Variants in ADCY2 observed in about 807,000 individuals in gnomAD.
ADCY2 encodes the protein adenylate cyclase type 2.
A neutral mutation model predicts 125.2 loss-of-function variants in ADCY2; 31 were observed. The ratio of observed to expected loss-of-function variants is 0.25; its 90% CI spans 0.19 to 0.33. The LOEUF (loss-of-function observed/expected upper bound fraction) is 0.33. ADCY2 is among the 10% of genes least tolerant of loss of function. ADCY2 has a pLI of 1.00. For missense variants in ADCY2, 904 were observed against 1,418.2 expected (o/e 0.64, Z 5.82); for synonymous variants, 512 against 548.4 (o/e 0.93, Z 0.93).
At chr5:7,557,879 C>T (rs1166148354) in intron 3 of ADCY2, among the ~76,000 whole-genome samples, 2 of 152,124 alleles carry the variant, frequency 1.3e-5, no homozygotes, top group African/African-American at 4.8e-5. Context: ...AGTATATACC[C>T]AGATACCCAG....
At chr5:7,562,688 G>A (rs974461260) in intron 3 of ADCY2, among the ~76,000 whole-genome samples, 1 of 152,090 alleles carries the variant, frequency 6.6e-6, no homozygotes, top group Non-Finnish European at 1.5e-5. Flanking sequence ...GGAAACAGAC[G>A]ACATTGATGA....
At chr5:7,780,934 C>G (rs768389208) in intron 18 of ADCY2, among the ~76,000 whole-genome samples, 6 of 152,234 alleles carry the variant, frequency 3.9e-5, no homozygotes, top group Non-Finnish European at 8.8e-5. Flanking sequence ...TTAACAACCT[C>G]AGGCGGAGGG....
At chr5:7,549,359 C>T (rs77459561) in intron 3 of ADCY2, among the ~76,000 whole-genome samples, 14 of 152,164 alleles carry the variant, frequency 9.2e-5, no homozygotes, top group Non-Finnish European at 1.8e-4. Flanking sequence ...ATGGCAGAAT[C>T]CTGTGATGTC....
intron 3 of ADCY2, among the ~76,000 whole-genome samples, chr5:7,594,648 A>G (rs1220267393): frequency 6.6e-6 from 1 of 152,222 alleles, no homozygotes; most frequent in Non-Finnish European, 1.5e-5. Context: ...CAACCAAAAC[A>G]TAAATCTTGA....
At chr5:7,763,278 A>G (rs1707455207) in intron 16 of ADCY2, among the ~76,000 whole-genome samples, 1 of 150,940 alleles carries the variant, frequency 6.6e-6, no homozygotes, top group African/African-American at 2.4e-5. Flanking sequence ...TTTTTAGTAG[A>G]GACGGGGTTT....
chr5:7,587,514 C>A (rs1198728392), intron 3 of ADCY2, among the ~76,000 whole-genome samples: 1 of 152,166 alleles, frequency 6.6e-6, no homozygotes, highest in African/African-American at 2.4e-5. Context: ...TTCTCAACGA[C>A]CAGCCTCCCC....
intron 2 of ADCY2, among the ~76,000 whole-genome samples, chr5:7,423,370 A>G (rs1445122718): frequency 6.6e-6 from 1 of 152,192 alleles, no homozygotes; most frequent in Non-Finnish European, 1.5e-5. Context: ...CCCAAATCTC[A>G]TTTTGAATTG....
intron 4 of ADCY2, among the ~76,000 whole-genome samples, chr5:7,648,412 T>C (rs912348147): frequency 6.6e-6 from 1 of 152,212 alleles, no homozygotes; most frequent in Admixed American, 6.5e-5. Context: ...AAGAATACTA[T>C]GACATGATGG....
chr5:7,439,031 T>C (rs1428497494), intron 2 of ADCY2, among the ~76,000 whole-genome samples: 1 of 152,222 alleles, frequency 6.6e-6, no homozygotes, highest in Non-Finnish European at 1.5e-5. Flanking sequence ...TACCAGTACC[T>C]GGACACTGTG....
At chr5:7,820,912 T>C (rs188683760) in intron 24 of ADCY2, among the ~76,000 whole-genome samples, 4 of 152,296 alleles carry the variant, frequency 2.6e-5, no homozygotes, top group Admixed American at 2.6e-4. Context: ...ATTATATTTG[T>C]GAAAACAAAT....
chr5:7,784,668 T>C (rs1304157483), intron 19 of ADCY2, among the ~76,000 whole-genome samples: 1 of 152,096 alleles, frequency 6.6e-6, no homozygotes. Context: ...GCAAATGTTA[T>C]GAATGGCCAA....
At chr5:7,415,875 G>A (rs1323491558) in intron 2 of ADCY2, among the ~76,000 whole-genome samples, 2 of 152,262 alleles carry the variant, frequency 1.3e-5, no homozygotes, top group African/African-American at 4.8e-5. Flanking sequence ...CTTGTCAACC[G>A]AGACATGGAG....
chr5:7,431,989 C>A (rs1740618595), intron 2 of ADCY2, among the ~76,000 whole-genome samples: 1 of 152,010 alleles, frequency 6.6e-6, no homozygotes, highest in African/African-American at 2.4e-5. Flanking sequence ...ATGACCACCC[C>A]ACCCCTATCC....
rs181905906 is a variant in ADCY2 at position 7,781,355 on chromosome 5, T to C, written c.2385-3010T>C. ...CTCAGAATGTGACCTTATTTGGAAATAGAATCTTTGCAAGTGGAAGTAGTT... is the reference window on the plus strand; with the variant it reads ...CTCAGAATGTGACCTTATTTGGAAACAGAATCTTTGCAAGTGGAAGTAGTT... On this transcript the variant is annotated intron_variant, in intron 18 of 24. Transcript: ENST00000338316. 3.7e-4 allele frequency among the ~76,000 whole-genome samples: 56 copies of C among 152,246 alleles called. 1 individual carries two copies. Among genetic ancestry groups the C allele is most frequent in the South Asian group, 2.1e-3 (10 of 4,828 alleles).
At chr5:7,713,065 G>T (rs569523050) in intron 11 of ADCY2, among the ~76,000 whole-genome samples, 166 bp downstream of exon 11, 1 of 152,022 alleles carries the variant, frequency 6.6e-6, no homozygotes, top group Non-Finnish European at 1.5e-5. Context: ...AATCATTGGG[G>T]TCTTATTGTT....
intron 3 of ADCY2, among the ~76,000 whole-genome samples, chr5:7,568,729 C>T (rs1382744836): frequency 6.6e-6 from 1 of 152,194 alleles, no homozygotes; most frequent in African/African-American, 2.4e-5. Context: ...CACCACCTCT[C>T]CTCACAGCAC....
rs70940751 is a variant in ADCY2 at position 7,693,413 on chromosome 5, G to GTTTTTTTTT, written c.870-2324_870-2316dup. Among the ~76,000 whole-genome samples the GTTTTTTTTT allele has an allele frequency of 4.5e-3, 147 of 32,356 alleles. 1 individual carries two copies. The highest frequency in any genetic ancestry group is 6.7e-3 in the African/African-American group (99 of 14,850). 21.2% of individuals were successfully genotyped at this position (32,356 alleles called of 152,430 possible). A position where few individuals can be genotyped will look rare whatever the true frequency, so the allele number is the denominator to read the frequency against. On this transcript the variant is annotated intron_variant, in intron 5 of 24. Coordinates refer to ENST00000338316, the MANE Select transcript of ADCY2 (RefSeq NM_020546.3). ...GCATCACAATTGCCTGCTGTTTTTT[G>GTTTTTTTTT]TTTTTTTTTTTTTTTTTTTTTTTGA...
chr5:7,812,393 G>T (rs934714038), intron 22 of ADCY2, among the ~76,000 whole-genome samples: 2 of 152,124 alleles, frequency 1.3e-5, no homozygotes, highest in Admixed American at 1.3e-4. Flanking sequence ...ACACTTAAAA[G>T]GTCAGACACC....
At chr5:7,533,998 A>G (rs144553248) in intron 3 of ADCY2, among the ~76,000 whole-genome samples, 154 of 152,260 alleles carry the variant, frequency 1.0e-3, no homozygotes, top group African/African-American at 3.5e-3. Flanking sequence ...GCTGAGATAG[A>G]CTGTCTCCTG....
Sources: gnomAD v4.1 joint callset for allele counts (sites outside exome capture counted in the v4.1 genomes callset) on GRCh38, gnomAD v4.1.1 for gene constraint, MANE v1.5 for transcripts, NCBI Gene and HGNC (gene_info 2026-07-23, HGNC 2026-07-21) for gene names.